LIMCH1: variants seen among roughly 807,000 people sequenced by gnomAD.
The protein encoded by LIMCH1 is LIM and calponin homology domains 1.
Under a neutral mutation model 176.5 loss-of-function variants are expected in LIMCH1, and 113 were observed. That is an observed-to-expected ratio of 0.64 (90% CI 0.55 to 0.75). The LOEUF (loss-of-function observed/expected upper bound fraction) is 0.75, where lower values mean the gene tolerates loss of function less well. Ranked by LOEUF, LIMCH1 falls within the 30% of genes least tolerant of loss-of-function variation. The pLI is 0.00. For synonymous variants in LIMCH1, 619 were observed against 645.9 expected (o/e 0.96, Z 0.63); for missense variants, 1,674 against 1,814.9 (o/e 0.92, Z 1.41).
At chr4:41,633,225 T>C in intron 12 of LIMCH1, 140 bp downstream of exon 12, 2 of 669,212 alleles carry the variant, frequency 3.0e-6, no homozygotes, top group Middle Eastern at 4.1e-4. Context: ...TAAAAGAGTG[T>C]GCTCATCCCA....
At chr4:41,592,157 G>A (rs2087718217) in intron 1 of LIMCH1, among the ~76,000 whole-genome samples, 1 of 152,220 alleles carries the variant, frequency 6.6e-6, no homozygotes, top group African/African-American at 2.4e-5. Context: ...TGTAGTCAGA[G>A]GACAAGTGCA....
At chr4:41,486,612 C>G (rs1017346402) in intron 1 of LIMCH1, among the ~76,000 whole-genome samples, 1 of 152,050 alleles carries the variant, frequency 6.6e-6, no homozygotes, top group African/African-American at 2.4e-5. Flanking sequence ...GAAGGTCTTC[C>G]CTCTGTGGTT....
Position 41,644,510 on chromosome 4 carries a change from A to C in LIMCH1, c.2137A>C (p.Met713Leu). 1 of 1,572,180 alleles carries C rather than the reference A, an allele frequency of 6.4e-7. No homozygotes were observed. The highest frequency in any genetic ancestry group is 8.6e-7 in the Non-Finnish European group (1 of 1,159,578). The change falls in exon 15 of 32, where the codon ATG (methionine) becomes CTG (leucine). Residue 713 changes from methionine to leucine, a missense_variant. Met to Leu is a conservative substitution (Grantham distance 15). Coordinates refer to ENST00000503057, the MANE Select transcript of LIMCH1 (RefSeq NM_001330672.2). ...TCTCTCCACACTCAGGAGCACCAGC[A>C]TGTTTGACATGCGGTGTGAGGAGGA... ...PVSDDAESTS[M>L]FDMRCEEEAA...
chr4:41,697,075 G>C, intron 31 of LIMCH1, 85 bp from the exon 32 acceptor site: 1 of 1,398,770 alleles, frequency 7.1e-7, no homozygotes, highest in South Asian at 1.2e-5. Context: ...GGTAAAGGCA[G>C]TTGCTCATTA....
intron 1 of LIMCH1, among the ~76,000 whole-genome samples, chr4:41,367,773 A>C (rs1323695252): frequency 6.6e-6 from 1 of 150,862 alleles, no homozygotes; most frequent in African/African-American, 2.4e-5. Context: ...ACGCTGAAAC[A>C]GGAGAATGGT....
At chr4:41,471,004 A>T (rs1582750314) in intron 1 of LIMCH1, among the ~76,000 whole-genome samples, 1 of 149,200 alleles carries the variant, frequency 6.7e-6, no homozygotes, top group Admixed American at 6.7e-5. Context: ...GTGTCTGAGG[A>T]TGCCAGTCTT....
At chr4:41,452,874 A>G (rs905531030) in intron 1 of LIMCH1, among the ~76,000 whole-genome samples, 1 of 152,150 alleles carries the variant, frequency 6.6e-6, no homozygotes, top group African/African-American at 2.4e-5. Flanking sequence ...GTTGCCCTCA[A>G]TAGATTAGCT....
At chr4:41,505,924 T>TCA (rs766763998) in intron 2 of LIMCH1, among the ~76,000 whole-genome samples, 3 of 71,118 alleles carry the variant, frequency 4.2e-5, no homozygotes, top group Non-Finnish European at 7.8e-5. Context: ...TCTGTGTTTC[T>TCA]GACACACACA....
intron 1 of LIMCH1, among the ~76,000 whole-genome samples, chr4:41,547,362 C>G (rs1160332419): frequency 6.6e-6 from 1 of 152,084 alleles, no homozygotes; most frequent in Non-Finnish European, 1.5e-5. Flanking sequence ...CTCTCTACCT[C>G]TATGAGTTTG....
rs2062074695 is a variant in LIMCH1 at position 41,436,304 on chromosome 4, A to G, written c.97-58232A>G. 3.3e-5 allele frequency among the ~76,000 whole-genome samples: 5 copies of G among 152,046 alleles called. No homozygotes were observed. In the South Asian group the frequency reaches 1.0e-3, roughly 32 times the overall value. ...TAGAGATGGCATGACATTTGTCTGAACATGAGTATACCTCCAGTTTACCTC... is the reference window on the plus strand; with the variant it reads ...TAGAGATGGCATGACATTTGTCTGAGCATGAGTATACCTCCAGTTTACCTC... On this transcript the variant is annotated intron_variant, in intron 1 of 26. Coordinates refer to the LIMCH1 transcript ENST00000313860.
At chr4:41,375,244 G>A (rs953255732) in intron 1 of LIMCH1, among the ~76,000 whole-genome samples, 1 of 152,176 alleles carries the variant, frequency 6.6e-6, no homozygotes, top group Non-Finnish European at 1.5e-5. Context: ...TAAGCTGGGA[G>A]TGGTTAAAAA....
intron 2 of LIMCH1, among the ~76,000 whole-genome samples, chr4:41,495,180 G>T (rs2071878148): frequency 6.6e-6 from 1 of 152,182 alleles, no homozygotes; most frequent in African/African-American, 2.4e-5. Flanking sequence ...AAAATAAGCA[G>T]AGCCTTCGTA....
At chr4:41,663,945 G>A (rs1406555617) in intron 20 of LIMCH1, among the ~76,000 whole-genome samples, 1 of 151,784 alleles carries the variant, frequency 6.6e-6, no homozygotes, top group East Asian at 1.9e-4. Context: ...GGAGGCTTAG[G>A]TGGGAGGATC....
intron 4 of LIMCH1, 125 bp from the exon 5 acceptor site, chr4:41,613,341 G>A (rs968283994): frequency 3.5e-6 from 3 of 865,316 alleles, no homozygotes; most frequent in Admixed American, 2.7e-5. Flanking sequence ...CCTGTAACTG[G>A]TTTCCACAAC....
chr4:41,549,592 A>G (rs1215680045), intron 1 of LIMCH1, among the ~76,000 whole-genome samples: 1 of 152,162 alleles, frequency 6.6e-6, no homozygotes, highest in African/African-American at 2.4e-5. Flanking sequence ...CAATGAAGCT[A>G]AACAATTTGG....
intron 1 of LIMCH1, among the ~76,000 whole-genome samples, chr4:41,583,783 CTTT>C (rs544573341): frequency 5.5e-3 from 733 of 133,012 alleles, no homozygotes; most frequent in South Asian, 0.022. Flanking sequence ...CTCTCTCTCT[CTTT>C]TTTTTTTTTG....
intron 1 of LIMCH1, among the ~76,000 whole-genome samples, chr4:41,379,829 C>T (rs550180204): frequency 5.3e-5 from 8 of 152,074 alleles, no homozygotes; most frequent in Non-Finnish European, 8.8e-5. Flanking sequence ...GACAGAGTCT[C>T]GCTGTGTTGC....
At chr4:41,369,985 T>C (rs1211127685) in intron 1 of LIMCH1, among the ~76,000 whole-genome samples, 2 of 147,704 alleles carry the variant, frequency 1.4e-5, no homozygotes. Flanking sequence ...AAAAGCAGTT[T>C]ACCCAATAGT....
At chr4:41,419,561 CCCTT>C (rs536061729) in intron 1 of LIMCH1, among the ~76,000 whole-genome samples, 7,474 of 115,974 alleles carry the variant, frequency 0.064, 386 homozygotes, top group Non-Finnish European at 0.088. Flanking sequence ...CTTTCCTTTC[CCCTT>C]CCTTCCTTCC....
Sources: gnomAD v4.1 joint callset for allele counts (sites outside exome capture counted in the v4.1 genomes callset) on GRCh38, gnomAD v4.1.1 for gene constraint, MANE v1.5 for transcripts, NCBI Gene and HGNC (gene_info 2026-07-23, HGNC 2026-07-21) for gene names.